ATRNL1: variants seen among roughly 807,000 people sequenced by gnomAD.
ATRNL1 encodes attractin-like protein 1.
In ATRNL1, 95 loss-of-function variants were observed where a neutral mutation model predicts 182.7. That is an observed-to-expected ratio of 0.52 (90% CI 0.44 to 0.62). The LOEUF is 0.62. ATRNL1 is among the 20% of genes least tolerant of loss of function. The probability of loss-of-function intolerance (pLI) is 0.00; values close to 1 mark genes in which losing one functional copy is unlikely to be tolerated. For synonymous variants in ATRNL1, 576 were observed against 568.3 expected, an observed-to-expected ratio of 1.01 and a Z score of -0.19; for missense variants, 1,471 against 1,679.5, an observed-to-expected ratio of 0.88 and a Z score of 2.17.
chr10:115,369,426 G>T (rs1186269805), intron 19 of ATRNL1, among the ~76,000 whole-genome samples: 1 of 152,012 alleles, frequency 6.6e-6, no homozygotes, highest in Admixed American at 6.5e-5. Context: ...TTTTGTGAGA[G>T]GATGAGGCTT....
At position 115,500,123 on chromosome 10, in the gene ATRNL1, T is replaced by C. The variant is rs529893124; in HGVS notation, c.3655-19140T>C. ...AAGGAACAATCCTGGATAATTGACG[T>C]AGGCCACAGTACTTTGAAGTCCATC... On this transcript the variant is annotated intron_variant, in intron 24 of 28. Transcript: ENST00000355044. Among the ~76,000 whole-genome samples, 10 of 152,282 alleles carry C rather than the reference T, an allele frequency of 6.6e-5. 1 individual carries two copies. The South Asian group carries it at 1.9e-3, about 28-fold the overall frequency.
intron 26 of ATRNL1, among the ~76,000 whole-genome samples, chr10:115,607,531 A>G (rs1243583823): frequency 3.3e-5 from 5 of 151,836 alleles, no homozygotes; most frequent in Admixed American, 3.3e-4. Flanking sequence ...TACCAATTCT[A>G]TATGGTAGAG....
At chr10:115,483,343 T>C (rs1219482996) in intron 24 of ATRNL1, among the ~76,000 whole-genome samples, 1 of 151,444 alleles carries the variant, frequency 6.6e-6, no homozygotes. Context: ...GAGGGCATCT[T>C]GACTGAAGCT....
intron 5 of ATRNL1, among the ~76,000 whole-genome samples, chr10:115,153,378 A>C (rs1846339445): frequency 6.6e-6 from 1 of 152,256 alleles, no homozygotes. Context: ...GCTATTAATT[A>C]TTGCCTCAAT....
chr10:115,799,116 G>A (rs1949730874), intron 27 of ATRNL1, among the ~76,000 whole-genome samples: 1 of 151,978 alleles, frequency 6.6e-6, no homozygotes, highest in Non-Finnish European at 1.5e-5. Context: ...TGAGACACCA[G>A]TAATAAGCTT....
intron 26 of ATRNL1, among the ~76,000 whole-genome samples, chr10:115,718,839 A>G (rs1251356614): frequency 6.6e-6 from 1 of 152,230 alleles, no homozygotes; most frequent in African/African-American, 2.4e-5. Context: ...AGACTATACT[A>G]TCTGCCAGCT....
At chr10:115,155,805 G>A (rs1344940596) in intron 5 of ATRNL1, among the ~76,000 whole-genome samples, 1 of 152,116 alleles carries the variant, frequency 6.6e-6, no homozygotes, top group East Asian at 1.9e-4. Context: ...ATAGTTGAAT[G>A]TTATAGGAAA....
At chr10:115,838,290 G>GGAT (rs143986617) in intron 27 of ATRNL1, among the ~76,000 whole-genome samples, 53 of 152,300 alleles carry the variant, frequency 3.5e-4, no homozygotes, top group African/African-American at 1.3e-3. Flanking sequence ...GGACGTAAGA[G>GGAT]GATGGTTACA....
At chr10:115,703,604 A>T (rs1219339149) in intron 26 of ATRNL1, among the ~76,000 whole-genome samples, 3 of 151,880 alleles carry the variant, frequency 2.0e-5, no homozygotes, top group African/African-American at 7.2e-5. Context: ...GAGTTCATGG[A>T]TGTTCATTAT....
At position 115,461,923 on chromosome 10, in the gene ATRNL1, T is replaced by C. The variant is rs782722151; in HGVS notation, c.3323-18T>C. 3 of 1,576,874 alleles carry C rather than the reference T, an allele frequency of 1.9e-6. No homozygotes were observed. Among genetic ancestry groups the C allele is most frequent in the Non-Finnish European group, 2.6e-6 (3 of 1,154,872 alleles). ...TTTAAAGTACATATCAGGATTGTAC[T>C]TTTTTTCCTCCCTACAGACAGCCTT... is the stretch of plus-strand genomic sequence containing the variant. On this transcript the variant is annotated intron_variant, in intron 21 of 28. Transcript: ENST00000355044.
chr10:115,879,658 C>G (rs1472919303), intron 28 of ATRNL1, among the ~76,000 whole-genome samples: 2 of 152,114 alleles, frequency 1.3e-5, no homozygotes, highest in Admixed American at 6.5e-5. Flanking sequence ...AAAATAAAAA[C>G]AATAGTAGTC....
At chr10:115,754,731 T>C (rs1200083746) in intron 27 of ATRNL1, among the ~76,000 whole-genome samples, 1 of 152,172 alleles carries the variant, frequency 6.6e-6, no homozygotes, top group Non-Finnish European at 1.5e-5. Context: ...TTGATGGGGA[T>C]GGCATTGAAT....
chr10:115,698,647 G>A (rs1555050551), intron 26 of ATRNL1, among the ~76,000 whole-genome samples: 2 of 151,958 alleles, frequency 1.3e-5, no homozygotes, highest in African/African-American at 4.8e-5. Flanking sequence ...GCATGATGTC[G>A]TGGGCCTGTA....
chr10:115,453,069 T>C (rs1348075163), intron 21 of ATRNL1, among the ~76,000 whole-genome samples: 3 of 152,162 alleles, frequency 2.0e-5, no homozygotes, highest in Non-Finnish European at 2.9e-5. Flanking sequence ...ATGTATATAC[T>C]ACAGTTTCTT....
chr10:115,723,945 ATC>A (rs1421893195), intron 26 of ATRNL1, among the ~76,000 whole-genome samples: 32 of 152,288 alleles, frequency 2.1e-4, no homozygotes, highest in Non-Finnish European at 3.4e-4. Flanking sequence ...AGATAGTAAC[ATC>A]TCTTTAATTT....
At chr10:115,870,903 CAT>C (rs1465836026) in intron 28 of ATRNL1, among the ~76,000 whole-genome samples, 4 of 152,228 alleles carry the variant, frequency 2.6e-5, no homozygotes, top group Admixed American at 6.5e-5. Flanking sequence ...TGAGTTAAAA[CAT>C]ATAAATTTCT....
chr10:115,106,984 G>C (rs1844039412), intron 1 of ATRNL1, among the ~76,000 whole-genome samples: 1 of 152,082 alleles, frequency 6.6e-6, no homozygotes. Context: ...GTAAATAGAG[G>C]GTCAAGGGAT....
chr10:115,805,931 T>C (rs1949910823), intron 27 of ATRNL1, among the ~76,000 whole-genome samples: 1 of 152,112 alleles, frequency 6.6e-6, no homozygotes, highest in South Asian at 2.1e-4. Context: ...CGATAAATTA[T>C]CTAGTGTGAT....
intron 26 of ATRNL1, among the ~76,000 whole-genome samples, chr10:115,691,457 C>T (rs1946391358): frequency 6.6e-6 from 1 of 152,182 alleles, no homozygotes; most frequent in Non-Finnish European, 1.5e-5. Flanking sequence ...CGTGATGGCT[C>T]ACGCCTGTAA....
Sources: allele counts gnomAD v4.1 joint callset (sites outside exome capture counted in the v4.1 genomes callset), GRCh38; gene constraint gnomAD v4.1.1; transcripts MANE v1.5; gene names NCBI Gene and HGNC (gene_info 2026-07-23, HGNC 2026-07-21).